The following UBE2G1 variants were observed in gnomAD, a reference collection of about 807,000 sequenced individuals.
The protein encoded by UBE2G1 is ubiquitin conjugating enzyme E2 G1.
A neutral mutation model predicts 22.7 loss-of-function variants in UBE2G1; 5 were observed. The ratio of observed to expected loss-of-function variants is 0.22; its 90% CI spans 0.12 to 0.46. UBE2G1 has a LOEUF of 0.46. Among genes scored for constraint, UBE2G1 ranks in the 20% least tolerant of loss-of-function variants. UBE2G1 has a pLI of 0.99. For synonymous variants in UBE2G1, 74 were observed against 67.5 expected (o/e 1.10, Z -0.47); for missense variants, 88 against 203.9 (o/e 0.43, Z 3.46).
chr17:4,311,985 G>A (rs1008654338), intron 1 of UBE2G1, among the ~76,000 whole-genome samples: 2 of 152,004 alleles, frequency 1.3e-5, no homozygotes, highest in East Asian at 1.9e-4. Context: ...GGTGGCTCCC[G>A]CCTGTAATCC....
chr17:4,312,812 G>A (rs1205301215), intron 1 of UBE2G1, among the ~76,000 whole-genome samples: 1 of 151,874 alleles, frequency 6.6e-6, no homozygotes, highest in Non-Finnish European at 1.5e-5. Flanking sequence ...GGGAAGAAGG[G>A]GTCTATATTC....
At chr17:4,333,406 G>A (rs1003143369) in intron 1 of UBE2G1, among the ~76,000 whole-genome samples, 2 of 152,108 alleles carry the variant, frequency 1.3e-5, no homozygotes, top group African/African-American at 2.4e-5. Flanking sequence ...GGCCGGGCAC[G>A]GTGGCTCTGT....
chr17:4,343,746 G>A (rs936754164), intron 1 of UBE2G1, among the ~76,000 whole-genome samples: 2 of 151,766 alleles, frequency 1.3e-5, no homozygotes, highest in South Asian at 2.1e-4. Context: ...CCACCACCAC[G>A]CCCGGCTAAT....
At chr17:4,274,128 C>T (rs1409171901) in intron 5 of UBE2G1, among the ~76,000 whole-genome samples, 6 of 151,234 alleles carry the variant, frequency 4.0e-5, no homozygotes, top group Non-Finnish European at 8.8e-5. Context: ...CTACAGGCAC[C>T]CGCCACCACA....
intron 1 of UBE2G1, among the ~76,000 whole-genome samples, chr17:4,320,403 G>A (rs905684995): frequency 7.2e-5 from 11 of 152,044 alleles, no homozygotes; most frequent in Non-Finnish European, 1.5e-4. Context: ...TCTATCTATA[G>A]GTCAATAATT....
intron 1 of UBE2G1, among the ~76,000 whole-genome samples, chr17:4,358,844 G>A (rs1436429959): frequency 1.3e-5 from 2 of 152,208 alleles, no homozygotes; most frequent in East Asian, 3.9e-4. Flanking sequence ...TCAGCTACTC[G>A]GGAGGCTGCA....
chr17:4,276,701 G>A (rs977110094), intron 5 of UBE2G1, among the ~76,000 whole-genome samples: 1 of 152,100 alleles, frequency 6.6e-6, no homozygotes, highest in African/African-American at 2.4e-5. Context: ...TACGCAATCC[G>A]TAGTACTTAT....
chr17:4,341,002 T>C (rs1402470326), intron 1 of UBE2G1, among the ~76,000 whole-genome samples: 1 of 145,874 alleles, frequency 6.9e-6, no homozygotes, highest in East Asian at 2.0e-4. Flanking sequence ...GGGTGAGTTT[T>C]AAGTTGATAT....
intron 5 of UBE2G1, among the ~76,000 whole-genome samples, chr17:4,276,515 G>A (rs949337096): frequency 2.0e-5 from 3 of 152,130 alleles, no homozygotes; most frequent in African/African-American, 7.2e-5. Flanking sequence ...TGGTCTACCT[G>A]GCTAGGCAAA....
At chr17:4,351,714 C>G (rs935224272) in intron 1 of UBE2G1, among the ~76,000 whole-genome samples, 1 of 152,160 alleles carries the variant, frequency 6.6e-6, no homozygotes, top group Non-Finnish European at 1.5e-5. Flanking sequence ...ATAAACCTTA[C>G]GCACTGCTAA....
intron 1 of UBE2G1, among the ~76,000 whole-genome samples, chr17:4,328,428 T>C (rs1053473214): frequency 6.6e-6 from 1 of 152,234 alleles, no homozygotes; most frequent in African/African-American, 2.4e-5. Flanking sequence ...TTAATAGACC[T>C]AGTAAATGTC....
intron 5 of UBE2G1, among the ~76,000 whole-genome samples, chr17:4,277,362 T>C (rs1258800159): frequency 6.6e-6 from 1 of 152,204 alleles, no homozygotes; most frequent in African/African-American, 2.4e-5. Flanking sequence ...TTTTAGTAAT[T>C]TGTTACGTAG....
At chr17:4,340,894 TAA>T (rs778447316) in intron 1 of UBE2G1, among the ~76,000 whole-genome samples, 4 of 111,084 alleles carry the variant, frequency 3.6e-5, no homozygotes, top group Admixed American at 9.0e-5. Context: ...TTCACGTATT[TAA>T]AAAAAAAAAA....
At chr17:4,359,280 TTG>T (rs1281940873) in intron 1 of UBE2G1, among the ~76,000 whole-genome samples, 4 of 152,218 alleles carry the variant, frequency 2.6e-5, no homozygotes, top group African/African-American at 9.6e-5. Context: ...TTTAAGGTCT[TTG>T]TTTTTTGTAT....
intron 1 of UBE2G1, among the ~76,000 whole-genome samples, chr17:4,362,990 G>A (rs1345840186): frequency 6.6e-6 from 1 of 152,064 alleles, no homozygotes; most frequent in Non-Finnish European, 1.5e-5. Context: ...AGACACAGTG[G>A]AGGGCTTCTG....
chr17:4,355,397 T>C (rs571195267), intron 1 of UBE2G1, among the ~76,000 whole-genome samples: 20 of 150,072 alleles, frequency 1.3e-4, no homozygotes, highest in South Asian at 1.3e-3. Context: ...TCCCAGCACT[T>C]TGGGAGGCCG....
chr17:4,339,715 G>A (rs1484485267), intron 1 of UBE2G1, among the ~76,000 whole-genome samples: 2 of 152,062 alleles, frequency 1.3e-5, no homozygotes, highest in African/African-American at 4.8e-5. Flanking sequence ...GGCAGGTGGT[G>A]GCACATGCCT....
chr17:4,290,658 T>C (rs1015152304), intron 3 of UBE2G1, among the ~76,000 whole-genome samples: 2 of 151,184 alleles, frequency 1.3e-5, no homozygotes, highest in African/African-American at 4.8e-5. Context: ...TTTTTTTTTT[T>C]TGGTAGAGAT....
intron 5 of UBE2G1, among the ~76,000 whole-genome samples, chr17:4,274,894 T>C (rs1968803900): frequency 1.1e-4 from 1 of 8,962 alleles, no homozygotes; most frequent in Admixed American, 1.6e-3. Context: ...GTACAATAAA[T>C]AATATAATTA....
Sources: gnomAD v4.1 joint callset for allele counts (sites outside exome capture counted in the v4.1 genomes callset) on GRCh38, gnomAD v4.1.1 for gene constraint, MANE v1.5 for transcripts, NCBI Gene and HGNC (gene_info 2026-07-23, HGNC 2026-07-21) for gene names.